Variants in UGP2 observed in about 807,000 individuals in gnomAD.
UGP2 encodes UDP-glucose pyrophosphorylase 2.
A neutral mutation model predicts 49.0 loss-of-function variants in UGP2; 40 were observed. That is an observed-to-expected ratio of 0.82 (90% CI 0.63 to 1.06). UGP2 has a LOEUF of 1.06. UGP2 is among the 50% of genes least tolerant of loss of function. The probability of loss-of-function intolerance (pLI) is 0.00; values close to 1 mark genes in which losing one functional copy is unlikely to be tolerated. For synonymous variants in UGP2, 225 were observed against 213.0 expected (o/e 1.06, Z -0.49); for missense variants, 460 against 603.5 (o/e 0.76, Z 2.49).
intron 3 of UGP2, among the ~76,000 whole-genome samples, chr2:63,878,753 G>T (rs1671098107): frequency 6.6e-6 from 1 of 152,022 alleles, no homozygotes; most frequent in South Asian, 2.1e-4. Flanking sequence ...TTTTGTAGAG[G>T]CAAGGTCTCA....
chr2:63,885,916 T>C (rs772636438), intron 6 of UGP2, 30 bp downstream of exon 6: 1 of 1,502,916 alleles, frequency 6.7e-7, no homozygotes, highest in Non-Finnish European at 8.8e-7. Flanking sequence ...AGTTTAGGGC[T>C]TCATGTTTTC....
At chr2:63,848,133 G>A (rs921193018) in intron 1 of UGP2, among the ~76,000 whole-genome samples, 17 of 152,136 alleles carry the variant, frequency 1.1e-4, no homozygotes, top group African/African-American at 3.9e-4. Flanking sequence ...GGGTTTAATG[G>A]ATGAGAAAAT....
chr2:63,871,435 G>A (rs1257223425), intron 3 of UGP2, among the ~76,000 whole-genome samples: 4 of 152,138 alleles, frequency 2.6e-5, no homozygotes, highest in Non-Finnish European at 4.4e-5. Flanking sequence ...ACAGGAATGC[G>A]CCACCATGTC....
At chr2:63,856,801 A>T (rs1169379529) in intron 2 of UGP2, 1 of 460,812 alleles carries the variant, frequency 2.2e-6, no homozygotes, top group Non-Finnish European at 4.3e-6. Flanking sequence ...GTCACTTCTG[A>T]TAGAACCATG....
chr2:63,845,099 C>T (rs1558929845), intron 1 of UGP2, among the ~76,000 whole-genome samples: 2 of 152,280 alleles, frequency 1.3e-5, no homozygotes, highest in East Asian at 3.9e-4. Flanking sequence ...TTTCCATCTA[C>T]TATTTAGTAG....
intron 3 of UGP2, among the ~76,000 whole-genome samples, chr2:63,881,108 G>T (rs1671277217): frequency 6.6e-6 from 1 of 152,184 alleles, no homozygotes; most frequent in Admixed American, 6.5e-5. Flanking sequence ...CACCAAACAA[G>T]AAAGTGTATT....
chr2:63,887,552 CTCTATAG>C lies in UGP2; in HGVS notation c.1226_1232del (p.Tyr409LeufsTer6). On this transcript the variant is annotated frameshift_variant, in exon 8 of 10. Coordinates refer to ENST00000337130, the MANE Select transcript of UGP2 (RefSeq NM_006759.4). LOFTEE classifies it high-confidence loss of function. The stretch of plus-strand genomic sequence containing the variant: ...AGATCTCTTGCTGGTGATGTCAAAC[CTCTATAG>C]TCTTAATGCAGGATCTCTGACAATG... 6.2e-7 allele frequency: 1 copy of C among 1,614,124 alleles called. No homozygotes were observed. Among genetic ancestry groups the C allele is most frequent in the South Asian group, 1.1e-5 (1 of 91,084 alleles).
chr2:63,860,241 G>A lies in UGP2; in HGVS notation c.255+2305G>A, dbSNP rs758983155. On this transcript the variant is annotated intron_variant, in intron 3 of 9. Transcript: ENST00000337130. The stretch of plus-strand genomic sequence containing the variant: ...CTCATGTCAGCCTTATATCAAAGGT[G>A]TGACATAAACATTGTCATACCAGTG... Among the ~76,000 whole-genome samples, 23 of 152,310 alleles carry A rather than the reference G, an allele frequency of 1.5e-4. 1 individual carries two copies. Among genetic ancestry groups the A allele is most frequent in the African/African-American group, 5.5e-4 (23 of 41,582 alleles).
At chr2:63,874,708 G>A (rs371938737) in intron 3 of UGP2, among the ~76,000 whole-genome samples, 1 of 151,928 alleles carries the variant, frequency 6.6e-6, no homozygotes, top group African/African-American at 2.4e-5. Flanking sequence ...CTCATGCATG[G>A]CTTGGTGCTG....
At chr2:63,856,989 A>G in intron 2 of UGP2, 1 of 371,728 alleles carries the variant, frequency 2.7e-6, no homozygotes, top group South Asian at 2.1e-5. Flanking sequence ...ATTGAGAAGT[A>G]GAGAAAGATA....
chr2:63,872,244 T>C (rs140455158), intron 3 of UGP2, among the ~76,000 whole-genome samples: 90 of 152,314 alleles, frequency 5.9e-4, no homozygotes, highest in East Asian at 4.4e-3. Flanking sequence ...ATTTGGGCCA[T>C]TGATTATAAG....
Position 63,856,408 on chromosome 2 carries a change from C to G in UGP2, c.122C>G (p.Thr41Ser). 1.2e-6 allele frequency: 2 copies of G among 1,613,052 alleles called. No homozygotes were observed. Among genetic ancestry groups the G allele is most frequent in the South Asian group, 2.2e-5 (2 of 91,072 alleles). ...SVKKELEKIL[T>S]TASSHEFEHT... ...AAGAAGGAACTAGAAAAAATACTCA[C>G]CACAGCATCATCACATGAATTTGAG... The change falls in exon 2 of 10, where the codon ACC becomes AGC. Residue 41 changes from threonine (T) to serine (S), a missense_variant. By Grantham distance (58) the Thr-to-Ser change is moderately conservative (BLOSUM62 1). Coordinates refer to ENST00000337130, the MANE Select transcript of UGP2 (RefSeq NM_006759.4).
intron 3 of UGP2, among the ~76,000 whole-genome samples, chr2:63,860,652 T>A (rs1333661395): frequency 1.3e-5 from 2 of 152,064 alleles, no homozygotes; most frequent in Admixed American, 1.3e-4. Context: ...TGGAGGGTAG[T>A]GGCACAGTCA....
At chr2:63,885,498 AATTTT>A in intron 5 of UGP2, 86 bp from the exon 6 acceptor site, 2 of 1,061,712 alleles carry the variant, frequency 1.9e-6, no homozygotes, top group Non-Finnish European at 2.6e-6. Flanking sequence ...AAAGAAGTGA[AATTTT>A]ATTTAACTTT....
intron 3 of UGP2, among the ~76,000 whole-genome samples, chr2:63,861,345 C>A (rs1310377303): frequency 6.6e-6 from 1 of 151,940 alleles, no homozygotes; most frequent in East Asian, 1.9e-4. Context: ...CGAGGAAGTA[C>A]GGGGCCTGTT....
intron 1 of UGP2, among the ~76,000 whole-genome samples, chr2:63,842,804 G>A (rs569266387): frequency 4.6e-5 from 7 of 152,164 alleles, no homozygotes; most frequent in Non-Finnish European, 1.0e-4. Context: ...GATGATTAAG[G>A]TTCCTTTGAA....
At chr2:63,887,877 T>C (rs1016550910) in intron 8 of UGP2, 2 of 526,360 alleles carry the variant, frequency 3.8e-6, no homozygotes, top group Non-Finnish European at 6.4e-6. Context: ...TTGGGGCATT[T>C]TATCTTCTGT....
chr2:63,867,809 T>C (rs1670279542), intron 3 of UGP2, among the ~76,000 whole-genome samples: 1 of 152,246 alleles, frequency 6.6e-6, no homozygotes, highest in African/African-American at 2.4e-5. Context: ...TAATTTTCTT[T>C]ATCAAATGTG....
intron 8 of UGP2, chr2:63,889,692 C>G (rs1365119523): frequency 1.9e-5 from 3 of 156,932 alleles, no homozygotes; most frequent in African/African-American, 7.2e-5. Flanking sequence ...TCTAATTTTT[C>G]AGAATCCGAC....
Sources: allele counts gnomAD v4.1 joint callset (sites outside exome capture counted in the v4.1 genomes callset), GRCh38; gene constraint gnomAD v4.1.1; transcripts MANE v1.5; gene names NCBI Gene and HGNC (gene_info 2026-07-23, HGNC 2026-07-21).